The following PACS2 variants were observed in gnomAD, a reference collection of about 807,000 sequenced individuals.
The protein encoded by PACS2 is PACS1-like protein.
PACS2 carries 36 observed loss-of-function variants against 113.0 expected under a neutral mutation model. That is an observed-to-expected ratio of 0.32 (90% CI 0.24 to 0.42). The LOEUF is 0.42. PACS2 is among the 10% of genes least tolerant of loss of function. PACS2 has a pLI of 1.00. For missense variants in PACS2, 1,015 were observed against 1,239.5 expected (o/e 0.82, Z 2.72); for synonymous variants, 589 against 536.1 (o/e 1.10, Z -1.36).
At chr14:105,380,826 C>T (rs1428456875) in intron 11 of PACS2, 131 bp from the exon 12 acceptor site, 14 of 842,638 alleles carry the variant, frequency 1.7e-5, no homozygotes, top group South Asian at 8.3e-5. Context: ...AGCGTATGGC[C>T]GGGTCCACAT....
chr14:105,335,391 G>A (rs879704113), intron 1 of PACS2, among the ~76,000 whole-genome samples: 4 of 151,634 alleles, frequency 2.6e-5, no homozygotes, highest in Non-Finnish European at 5.9e-5. Context: ...TGGCTCTGAC[G>A]CTGTGGCCGG....
intron 1 of PACS2, among the ~76,000 whole-genome samples, chr14:105,333,000 G>A (rs1236397517): frequency 6.6e-6 from 1 of 152,200 alleles, no homozygotes; most frequent in East Asian, 1.9e-4. Flanking sequence ...CCTGTGGGCT[G>A]CGTCGTGGTT....
At chr14:105,385,335 G>T (rs999655868) in intron 18 of PACS2, among the ~76,000 whole-genome samples, 1 of 152,228 alleles carries the variant, frequency 6.6e-6, no homozygotes, top group Non-Finnish European at 1.5e-5. Context: ...GGTTTCTCGG[G>T]CTGGGGAACG....
rs1408928501 is a variant in PACS2, at chr14:105,354,914, G to C, written c.298-138G>C. 5 of 751,772 alleles carry C rather than the reference G, an allele frequency of 6.7e-6. No individual in the cohort carries two copies. The highest frequency in any genetic ancestry group is 1.1e-5 in the Non-Finnish European group (5 of 464,228). 46.6% of individuals were successfully genotyped at this position (751,772 alleles called of 1,614,324 possible). A position where few individuals can be genotyped will look rare whatever the true frequency, so the allele number is the denominator to read the frequency against. On this transcript the variant is annotated intron_variant, in intron 3 of 24. Transcript: ENST00000447393. This position sits in a 1 kb window ranked among gnomAD's most constrained non-coding sequence, Gnocchi z 4.2. ...GCCACTGGGATGAACTTGGGGGCCC[G>C]TCTGTGGGTGCCCTTCCGATCTCAT...
At chr14:105,388,287 C>T (rs1307993490) in intron 19 of PACS2, among the ~76,000 whole-genome samples, 3 of 152,226 alleles carry the variant, frequency 2.0e-5, no homozygotes, top group Admixed American at 1.3e-4. Context: ...ACTGGCGCTG[C>T]GAAGACAGGG....
Position 105,391,268 on chromosome 14 carries a change from G to C in PACS2, c.2119+19G>C. On this transcript the variant is annotated intron_variant, in intron 21 of 24. Transcript: ENST00000447393. ...ACATCAGGTAACCCCGTCCCACCCTGAGGCCTTGTGAGTGGCCCGTGGGTG... is the reference window on the plus strand; with the variant it reads ...ACATCAGGTAACCCCGTCCCACCCTCAGGCCTTGTGAGTGGCCCGTGGGTG... The C allele has an allele frequency of 1.9e-6, 3 of 1,596,778 alleles. No homozygotes were observed. The highest frequency in any genetic ancestry group is 1.1e-5 in the South Asian group (1 of 90,766).
In PACS2 at chr14:105,384,968, C is replaced by T; in HGVS notation, c.1981C>T (p.Leu661=). The T allele has an allele frequency of 1.3e-6, 2 of 1,585,170 alleles. No individual in the cohort carries two copies. Among genetic ancestry groups the T allele is most frequent in the Middle Eastern group, 3.5e-4 (2 of 5,768 alleles). ...CCAGCTCCCCATCGCAGAGGCCATG[C>T]TGACCTACAAGCAGAAGAGGTAACG... The part of the protein sequence containing the change: ...AHQLPIAEAM[L]TYKQKRKKHF... The change falls in exon 18 of 25, where the codon CTG becomes TTG. Residue 661 remains leucine, a synonymous_variant. Transcript: ENST00000447393.
Position 105,348,462 on chromosome 14 carries a change from C to G in PACS2, c.120-31C>G. ...GCCGCGTCCTGAGGAGAGGGCGGAG[C>G]CCCGAGGCTGAGCTGTGCCTTGCCT... On this transcript the variant is annotated intron_variant, in intron 1 of 24. Transcript: ENST00000447393. This position sits in a 1 kb window ranked among gnomAD's most constrained non-coding sequence, Gnocchi z 6.4. 1 of 1,554,916 alleles carries G rather than the reference C, an allele frequency of 6.4e-7. No individual in the cohort carries two copies. The highest frequency in any genetic ancestry group is 8.9e-7 in the Non-Finnish European group (1 of 1,129,690).
intron 1 of PACS2, among the ~76,000 whole-genome samples, chr14:105,319,973 TTTTA>T (rs1288308230): frequency 2.0e-5 from 3 of 152,328 alleles, no homozygotes; most frequent in Middle Eastern, 3.4e-3. Flanking sequence ...CATAAATTGA[TTTTA>T]TTTCTTTTCT....
In PACS2 at chr14:105,358,993, T is replaced by G. The variant is rs2060565248; in HGVS notation, c.423+3816T>G. ...GGACACTTCCTATCTCCTGATGACA[T>G]GGTAGCCATCGTAACACCATAGCAC... On this transcript the variant is annotated intron_variant, in intron 4 of 24. Coordinates refer to ENST00000447393, the MANE Select transcript of PACS2 (RefSeq NM_001100913.3). The surrounding 1 kb of genome is among the most constrained non-coding windows in gnomAD (Gnocchi z 4.9). Among the ~76,000 whole-genome samples the G allele has an allele frequency of 6.6e-6, 1 of 152,196 alleles. No homozygotes were observed.
At chr14:105,342,787 T>C (rs1277142975) in intron 1 of PACS2, among the ~76,000 whole-genome samples, 1 of 151,498 alleles carries the variant, frequency 6.6e-6, no homozygotes, top group African/African-American at 2.4e-5. Context: ...TATAAAAAAT[T>C]AGCTGGGTGT....
intron 1 of PACS2, among the ~76,000 whole-genome samples, chr14:105,344,040 T>A (rs73359049): frequency 0.12 from 17,324 of 150,034 alleles, 3,364 homozygotes; most frequent in African/African-American, 0.4. Context: ...AGGCCTGGCC[T>A]ACATGTAGCT....
rs189735266 is a variant in PACS2 at position 105,334,080 on chromosome 14, C to T, written c.120-14413C>T. 2.4e-4 allele frequency among the ~76,000 whole-genome samples: 37 copies of T among 152,344 alleles called. 1 individual carries two copies. In the East Asian group the frequency reaches 6.7e-3, roughly 28 times the overall value. On this transcript the variant is annotated intron_variant, in intron 1 of 24. Transcript: ENST00000447393. ...TGTCGGGGGCCTGGGCCTGGATCCACGATGCCCTGTCTGGTCTAGAGCCTG... is the reference window on the plus strand; with the variant it reads ...TGTCGGGGGCCTGGGCCTGGATCCATGATGCCCTGTCTGGTCTAGAGCCTG...
chr14:105,317,089 G>A lies in PACS2; in HGVS notation c.119+2052G>A, dbSNP rs1334841477. Among the ~76,000 whole-genome samples the A allele has an allele frequency of 1.3e-5, 2 of 152,150 alleles. No individual in the cohort carries two copies. The highest frequency in any genetic ancestry group is 4.8e-5 in the African/African-American group (2 of 41,430). On this transcript the variant is annotated intron_variant, in intron 1 of 24. Transcript: ENST00000447393. This position sits in a 1 kb window ranked among gnomAD's most constrained non-coding sequence, Gnocchi z 4.2. ...ACAGTCTGCTACTTAGTTTTGCTTT[G>A]TTCCTCCTGAGTTCTTCTGTACTCC...
chr14:105,389,931 G>A (rs370706636), intron 19 of PACS2, 30 bp from the exon 20 acceptor site: 4 of 1,607,408 alleles, frequency 2.5e-6, no homozygotes, highest in Middle Eastern at 1.7e-4. Context: ...GCCCTGAGGA[G>A]AGCTTAACTG....
At chr14:105,382,991 C>G in intron 15 of PACS2, 78 bp downstream of exon 15, 1 of 862,768 alleles carries the variant, frequency 1.2e-6, no homozygotes, top group South Asian at 1.4e-5. Context: ...CCCATTGCTC[C>G]GGGGCTAGGT....
Position 105,380,975 on chromosome 14 carries a change from G to A in PACS2, c.1144G>A (p.Glu382Lys), listed in dbSNP as rs782094748. The change falls in exon 12 of 25, where the codon GAG becomes AAG. Residue 382 changes from glutamate to lysine, a missense_variant. By Grantham distance (56) the Glu-to-Lys change is moderately conservative. Around this residue, in one of 3 missense-constraint regions of PACS2, gnomAD observed 859 missense variants for 1,056.8 expected, o/e 0.81. Transcript: ENST00000447393. ...TVALGVPGPREHPGQPEDSPE... is the reference protein window; with the variant it reads ...TVALGVPGPRKHPGQPEDSPE... ...TCAGCAGGGTGTGCCAGGCCCGAGG[G>A]AGCACCCTGGACAGCCTGAGGACAG... is the stretch of plus-strand genomic sequence containing the variant. 2.4e-5 allele frequency: 38 copies of A among 1,611,554 alleles called. No homozygotes were observed. Among genetic ancestry groups the A allele is most frequent in the South Asian group, 9.9e-5 (9 of 90,872 alleles).
rs1300065922 is a variant in PACS2, at chr14:105,323,788, T to G, written c.119+8751T>G. Among the ~76,000 whole-genome samples, 1 of 152,156 alleles carries G rather than the reference T, an allele frequency of 6.6e-6. No homozygotes were observed. Among genetic ancestry groups the G allele is most frequent in the African/African-American group, 2.4e-5 (1 of 41,432 alleles). On this transcript the variant is annotated intron_variant, in intron 1 of 24. Transcript: ENST00000447393. The surrounding 1 kb of genome is among the most constrained non-coding windows in gnomAD (Gnocchi z 4.1). Reference sequence around the variant, plus strand: ...GCTCTGAGGGAGGGGCTGAGGAAGCTGACCTGGGCAGCCAGTGGCCTGTAG... The same window carrying G: ...GCTCTGAGGGAGGGGCTGAGGAAGCGGACCTGGGCAGCCAGTGGCCTGTAG...
In PACS2 at chr14:105,358,697, C is replaced by T. The variant is rs2060550796; in HGVS notation, c.423+3520C>T. On this transcript the variant is annotated intron_variant, in intron 4 of 24. Coordinates refer to ENST00000447393, the MANE Select transcript of PACS2 (RefSeq NM_001100913.3). The surrounding 1 kb of genome is among the most constrained non-coding windows in gnomAD (Gnocchi z 4.9). The stretch of plus-strand genomic sequence containing the variant: ...GGAGCAGCCATGCTTCTTTGCACAG[C>T]CGGACTCCTCTTGTGGCCTCGCCAC... Among the ~76,000 whole-genome samples, 3 of 152,174 alleles carry T rather than the reference C, an allele frequency of 2.0e-5. No individual in the cohort carries two copies. The South Asian group carries it at 6.2e-4, about 31-fold the overall frequency.
Sources: gnomAD v4.1 joint callset for allele counts (sites outside exome capture counted in the v4.1 genomes callset) on GRCh38, gnomAD v4.1.1 for gene constraint, gnomAD v4.1.1 regional missense constraint, Gnocchi (gnomAD v3.1) non-coding constraint, MANE v1.5 for transcripts, NCBI Gene and HGNC (gene_info 2026-07-23, HGNC 2026-07-21) for gene names.